RAPGEF1: variants seen among roughly 807,000 people sequenced by gnomAD.
The protein encoded by RAPGEF1 is Rap guanine nucleotide exchange factor 1, also known as CRK SH3-binding GNRP.
Under a neutral mutation model 143.3 loss-of-function variants are expected in RAPGEF1, and 33 were observed. That is an observed-to-expected ratio of 0.23 (90% CI 0.17 to 0.31). The LOEUF is 0.31. RAPGEF1 is among the 10% of genes least tolerant of loss of function. The pLI is 1.00. For synonymous variants in RAPGEF1, 629 were observed against 676.5 expected (o/e 0.93, Z 1.09); for missense variants, 1,199 against 1,645.4 (o/e 0.73, Z 4.69).
intron 22 of RAPGEF1, among the ~76,000 whole-genome samples, chr9:131,587,050 C>A (rs1222821962): frequency 2.8e-5 from 2 of 70,872 alleles, no homozygotes; most frequent in South Asian, 5.7e-4. Flanking sequence ...CCCTGCAGAG[C>A]GAGACTCCGT....
At position 131,589,015 on chromosome 9, in the gene RAPGEF1, A is replaced by G. The variant is rs772281728; in HGVS notation, c.2868-29T>C. 1.0e-5 allele frequency: 16 copies of G among 1,603,544 alleles called. No individual in the cohort carries two copies. The Admixed American group carries it at 2.2e-4, about 22-fold the overall frequency. On this transcript the variant is annotated intron_variant, in intron 19 of 26. Transcript: ENST00000683357. ...AAGGACAAAAGAGCACAAGGTGAGG[A>G]GCAGGAACGCAAGGCCCAGGCAGAG... is the stretch of plus-strand genomic sequence containing the variant.
In RAPGEF1 at chr9:131,675,399, G is replaced by A. The variant is rs994384067; in HGVS notation, c.62-24450C>T. Among the ~76,000 whole-genome samples the A allele has an allele frequency of 1.3e-5, 2 of 152,190 alleles. No homozygotes were observed. The highest frequency in any genetic ancestry group is 2.1e-4 in the South Asian group (1 of 4,824). On this transcript the variant is annotated intron_variant, in intron 1 of 26. Coordinates refer to ENST00000683357, the MANE Select transcript of RAPGEF1 (RefSeq NM_001377935.1). This position sits in a 1 kb window ranked among gnomAD's most constrained non-coding sequence, Gnocchi z 4.6. The stretch of plus-strand genomic sequence containing the variant: ...GGCAGCTTCCTGCGGGTGCCGGGAC[G>A]TGCCGTCCACAGGGTTCACCATGTG...
chr9:131,687,110 C>A (rs1833411261), intron 1 of RAPGEF1, among the ~76,000 whole-genome samples: 1 of 152,154 alleles, frequency 6.6e-6, no homozygotes, highest in Non-Finnish European at 1.5e-5. Flanking sequence ...AGAATGCAAG[C>A]CTGGACAACA....
At chr9:131,624,236 T>C (rs1962231879) in intron 10 of RAPGEF1, among the ~76,000 whole-genome samples, 1 of 152,154 alleles carries the variant, frequency 6.6e-6, no homozygotes, top group South Asian at 2.1e-4. Context: ...ACCTATGAAA[T>C]TGGAGGTAAT....
chr9:131,669,244 G>A (rs1056278862), intron 1 of RAPGEF1, among the ~76,000 whole-genome samples: 12 of 152,196 alleles, frequency 7.9e-5, no homozygotes, highest in African/African-American at 2.4e-4. Flanking sequence ...ATTTTCATTC[G>A]TCAGTAAGCA....
chr9:131,644,333 C>T (rs955046830), intron 3 of RAPGEF1, among the ~76,000 whole-genome samples: 13 of 150,626 alleles, frequency 8.6e-5, no homozygotes, highest in Non-Finnish European at 1.6e-4. Flanking sequence ...GAAAAGGAGG[C>T]TAAGAGTAAT....
intron 1 of RAPGEF1, among the ~76,000 whole-genome samples, chr9:131,731,789 A>G (rs1051112143): frequency 6.6e-6 from 1 of 152,250 alleles, no homozygotes; most frequent in African/African-American, 2.4e-5. Flanking sequence ...AATATGCAGT[A>G]AAGTCACTGT....
intron 11 of RAPGEF1, among the ~76,000 whole-genome samples, chr9:131,620,522 A>C (rs1960559927): frequency 1.3e-5 from 2 of 152,094 alleles, no homozygotes; most frequent in African/African-American, 2.4e-5. Context: ...TCACATTCTC[A>C]ATTGTGTCTG....
chr9:131,590,277 T>A (rs1428274156), intron 18 of RAPGEF1, among the ~76,000 whole-genome samples: 1 of 147,074 alleles, frequency 6.8e-6, no homozygotes, highest in East Asian at 2.0e-4. Context: ...GAGGTGCCCA[T>A]GAGATTACAG....
chr9:131,675,146 G>GAGATTTGCTGCACTTGGCT lies in RAPGEF1; in HGVS notation c.62-24216_62-24198dup, dbSNP rs796810589. On this transcript the variant is annotated intron_variant, in intron 1 of 26. Transcript: ENST00000683357. The surrounding 1 kb of genome is among the most constrained non-coding windows in gnomAD (Gnocchi z 4.6). ...GAAACTGGCTTAAAAAGAAGCTGGT[G>GAGATTTGCTGCACTTGGCT]AGATTTGCTGCACTTGGCTAGATTT... 4.1e-4 allele frequency among the ~76,000 whole-genome samples: 63 copies of GAGATTTGCTGCACTTGGCT among 152,254 alleles called. No homozygotes were observed. The highest frequency in any genetic ancestry group is 1.3e-3 in the African/African-American group (55 of 41,544).
At chr9:131,632,369 C>A (rs1379033598) in intron 5 of RAPGEF1, among the ~76,000 whole-genome samples, 1 of 151,088 alleles carries the variant, frequency 6.6e-6, no homozygotes, top group South Asian at 2.1e-4. Flanking sequence ...CCTCGTGATC[C>A]GCCCGCCTCG....
In RAPGEF1 at chr9:131,630,332, C is replaced by A; in HGVS notation, c.652-8G>T. On this transcript the variant is annotated splice_polypyrimidine_tract_variant and splice_region_variant and intron_variant, in intron 5 of 26. Coordinates refer to ENST00000683357, the MANE Select transcript of RAPGEF1 (RefSeq NM_001377935.1). ...GGTGAGCCTGACCAGCTCCTACCCCCACAAGAAAAAGGCAATGAGCAAAGC... is the reference window on the plus strand; with the variant it reads ...GGTGAGCCTGACCAGCTCCTACCCCAACAAGAAAAAGGCAATGAGCAAAGC... 6.2e-7 allele frequency: 1 copy of A among 1,612,838 alleles called. No individual in the cohort carries two copies. Among genetic ancestry groups the A allele is most frequent in the Non-Finnish European group, 8.5e-7 (1 of 1,179,032 alleles).
intron 1 of RAPGEF1, among the ~76,000 whole-genome samples, chr9:131,736,119 A>C: frequency 6.6e-6 from 1 of 152,132 alleles, no homozygotes; most frequent in East Asian, 1.9e-4. Context: ...GCAGCCTCTA[A>C]ACAGCTGCAT....
chr9:131,663,214 C>T (rs1829874228), intron 1 of RAPGEF1, among the ~76,000 whole-genome samples: 1 of 152,198 alleles, frequency 6.6e-6, no homozygotes, highest in African/African-American at 2.4e-5. Flanking sequence ...TTGCCATGCT[C>T]GCTTTCCATC....
At chr9:131,730,697 C>CAAAAGAAAA (rs1837001142) in intron 1 of RAPGEF1, among the ~76,000 whole-genome samples, 1 of 80,374 alleles carries the variant, frequency 1.2e-5, no homozygotes, top group East Asian at 4.8e-4. Context: ...GACTCCATCT[C>CAAAAGAAAA]AAAAAAAAAA....
At chr9:131,669,252 G>A (rs112403199) in intron 1 of RAPGEF1, among the ~76,000 whole-genome samples, 114 of 152,356 alleles carry the variant, frequency 7.5e-4, no homozygotes, top group African/African-American at 2.5e-3. Context: ...TCGTCAGTAA[G>A]CATACATTCA....
Position 131,579,562 on chromosome 9 carries a change from G to C in RAPGEF1, c.3727C>G (p.Leu1243Val). 6.2e-7 allele frequency: 1 copy of C among 1,614,040 alleles called. No individual in the cohort carries two copies. Among genetic ancestry groups the C allele is most frequent in the East Asian group, 2.2e-5 (1 of 44,888 alleles). The part of the protein sequence containing the change: ...DHLAEEALWE[L>V]SLKIKPRNIT... Reference sequence around the variant, plus strand: ...TTCCTGGGTTTAATTTTCAGAGACAGTTCCCATAGGGCCTCCTCAGCCAGG... The same window carrying C: ...TTCCTGGGTTTAATTTTCAGAGACACTTCCCATAGGGCCTCCTCAGCCAGG... The change falls in exon 27 of 27, where the codon CTG becomes GTG. Residue 1243 changes from leucine (L) to valine (V), a missense_variant. By Grantham distance (32) the Leu-to-Val change is conservative (BLOSUM62 1). Transcript: ENST00000683357.
intron 1 of RAPGEF1, among the ~76,000 whole-genome samples, chr9:131,674,963 T>C (rs922768498): frequency 6.6e-6 from 1 of 152,040 alleles, no homozygotes; most frequent in Non-Finnish European, 1.5e-5. Context: ...GCTTAAACCT[T>C]GGTCCGGTTC....
Position 131,584,688 on chromosome 9 carries a change from A to T in RAPGEF1, c.3234-92T>A. Reference sequence around the variant, plus strand: ...TGGAGACAGGACCTGTACGACCCCCATGCCAGTGGCCACGAGCCCACCCCT... The same window carrying T: ...TGGAGACAGGACCTGTACGACCCCCTTGCCAGTGGCCACGAGCCCACCCCT... On this transcript the variant is annotated intron_variant, in intron 22 of 26. Transcript: ENST00000683357. The surrounding 1 kb of genome is among the most constrained non-coding windows in gnomAD (Gnocchi z 6.8). The T allele has an allele frequency of 2.3e-6, 3 of 1,303,722 alleles. No individual in the cohort carries two copies. The highest frequency in any genetic ancestry group is 3.3e-6 in the Non-Finnish European group (3 of 906,866). The allele number at this position is 1,303,722 out of a possible 1,614,324, so 80.8% of individuals were successfully genotyped here.
Sources: gnomAD v4.1 joint callset for allele counts (sites outside exome capture counted in the v4.1 genomes callset) on GRCh38, gnomAD v4.1.1 for gene constraint, Gnocchi (gnomAD v3.1) non-coding constraint, MANE v1.5 for transcripts, NCBI Gene and HGNC (gene_info 2026-07-23, HGNC 2026-07-21) for gene names.